The following ZHX3 variants were observed in gnomAD, a reference collection of about 807,000 sequenced individuals.
ZHX3 encodes zinc fingers and homeoboxes protein 3.
In ZHX3, 20 loss-of-function variants were observed where a neutral mutation model predicts 64.5. The observed-to-expected ratio is 0.31, with a 90% CI of 0.22 to 0.45. The LOEUF is 0.45. Ranked by LOEUF, ZHX3 falls within the 20% of genes least tolerant of loss-of-function variation. The probability of loss-of-function intolerance (pLI) is 1.00; values close to 1 mark genes in which losing one functional copy is unlikely to be tolerated. For missense variants in ZHX3, 1,041 were observed against 1,195.8 expected (o/e 0.87, Z 1.91); for synonymous variants, 423 against 461.6 (o/e 0.92, Z 1.07).
rs1376706252 is a variant in ZHX3 at position 41,226,296 on chromosome 20, C to T, written c.-150-21230G>A. Among the ~76,000 whole-genome samples, 1 of 151,842 alleles carries T rather than the reference C, an allele frequency of 6.6e-6. No individual in the cohort carries two copies. Among genetic ancestry groups the T allele is most frequent in the African/African-American group, 2.4e-5 (1 of 41,306 alleles). ...GCATGAACGCGGGAGGTGGAGGTTG[C>T]AGTAAACTGAGATCGCGCCACTGAA... is the stretch of plus-strand genomic sequence containing the variant. On this transcript the variant is annotated intron_variant, in intron 2 of 3. Coordinates refer to ENST00000683867, the MANE Select transcript of ZHX3 (RefSeq NM_001384317.1). The surrounding 1 kb of genome is among the most constrained non-coding windows in gnomAD (Gnocchi z 4.4).
intron 2 of ZHX3, among the ~76,000 whole-genome samples, chr20:41,205,558 C>T (rs1026689030): frequency 2.0e-4 from 17 of 85,822 alleles, no homozygotes; most frequent in Admixed American, 9.6e-4. Flanking sequence ...AGTGTGTGAA[C>T]GGAAGGGGTG....
intron 2 of ZHX3, among the ~76,000 whole-genome samples, chr20:41,207,961 G>T (rs1277972727): frequency 1.3e-5 from 2 of 151,946 alleles, no homozygotes; most frequent in Non-Finnish European, 1.5e-5. Context: ...TAATAAAGAA[G>T]AAAAGAGAGA....
chr20:41,207,489 A>T (rs934275561), intron 2 of ZHX3, among the ~76,000 whole-genome samples: 2 of 152,198 alleles, frequency 1.3e-5, no homozygotes, highest in South Asian at 2.1e-4. Context: ...ATTATAATAA[A>T]CTGTCTCTCA....
At chr20:41,249,464 A>C (rs1377113611) in intron 2 of ZHX3, among the ~76,000 whole-genome samples, 1 of 152,194 alleles carries the variant, frequency 6.6e-6, no homozygotes, top group African/African-American at 2.4e-5. Flanking sequence ...CCTGCCTTTA[A>C]AGCAGACACG....
intron 3 of ZHX3, among the ~76,000 whole-genome samples, chr20:41,193,758 G>A (rs1294664272): frequency 1.3e-5 from 2 of 150,882 alleles, no homozygotes; most frequent in Non-Finnish European, 2.9e-5. Flanking sequence ...CCAGGCTGGA[G>A]TGCAGTGGCA....
chr20:41,189,237 C>G (rs1260312369), intron 3 of ZHX3, among the ~76,000 whole-genome samples: 2 of 152,160 alleles, frequency 1.3e-5, no homozygotes, highest in Admixed American at 1.3e-4. Flanking sequence ...GTTTTGGTTA[C>G]TATAGCCTTG....
At chr20:41,261,926 G>A (rs2042581556) in intron 2 of ZHX3, among the ~76,000 whole-genome samples, 1 of 152,020 alleles carries the variant, frequency 6.6e-6, no homozygotes, top group African/African-American at 2.4e-5. Flanking sequence ...CTGCTTCTCT[G>A]CAAATTAGTC....
intron 2 of ZHX3, among the ~76,000 whole-genome samples, chr20:41,244,714 C>G (rs548451612): frequency 1.3e-5 from 2 of 152,238 alleles, no homozygotes; most frequent in South Asian, 2.1e-4. Context: ...AGAAGACAAC[C>G]AGGGGGAATG....
rs1288248782 is a variant in ZHX3, at chr20:41,184,941, TAAAGG to T, written c.*245_*249del. 6.5e-7 allele frequency: 1 copy of T among 1,543,164 alleles called. No individual in the cohort carries two copies. The highest frequency in any genetic ancestry group is 2.4e-5 in the East Asian group (1 of 40,910). On this transcript the variant is annotated 3_prime_UTR_variant, in exon 4 of 4. Transcript: ENST00000683867. The stretch of plus-strand genomic sequence containing the variant: ...CTGAACTATTTTATCCATTGGAAGG[TAAAGG>T]AAAGGTCCTACATTGTGGGAGGAAG...
intron 2 of ZHX3, among the ~76,000 whole-genome samples, chr20:41,255,736 TC>T (rs2042217063): frequency 6.6e-6 from 1 of 152,204 alleles, no homozygotes; most frequent in Non-Finnish European, 1.5e-5. Flanking sequence ...TCTAGTTGTT[TC>T]ACTACTTTGA....
In ZHX3 at chr20:41,203,588, G is replaced by A. The variant is rs761766878; in HGVS notation, c.1329C>T (p.Leu443=). The A allele has an allele frequency of 2.5e-6, 4 of 1,614,232 alleles. No homozygotes were observed. The East Asian group carries it at 6.7e-5, about 27-fold the overall frequency. The change falls in exon 3 of 4, where the codon CTC becomes CTT. Residue 443 remains leucine, a synonymous_variant. Coordinates refer to ENST00000683867, the MANE Select transcript of ZHX3 (RefSeq NM_001384317.1). The surrounding 1 kb of genome is among the most constrained non-coding windows in gnomAD (Gnocchi z 7.1). ...ANGLQATSSP[L]PLTVTSVPKQ... is the part of the protein sequence containing the mutation. Reference sequence around the variant, plus strand: ...TGGGGACGGATGTCACCGTGAGGGGGAGAGGGGAACTTGTTGCTTGCAACC... The same window carrying A: ...TGGGGACGGATGTCACCGTGAGGGGAAGAGGGGAACTTGTTGCTTGCAACC...
chr20:41,231,019 G>A (rs1303441502), intron 2 of ZHX3, among the ~76,000 whole-genome samples: 3 of 152,098 alleles, frequency 2.0e-5, no homozygotes, highest in Non-Finnish European at 2.9e-5. Context: ...TGCTCTGCCT[G>A]TTCATCCCTC....
At chr20:41,198,485 T>G (rs1294736416) in intron 3 of ZHX3, among the ~76,000 whole-genome samples, 2 of 149,716 alleles carry the variant, frequency 1.3e-5, no homozygotes, top group African/African-American at 4.9e-5. Flanking sequence ...GTTTAGAGGT[T>G]TTTTTTTTTT....
chr20:41,300,898 G>C (rs574359944), intron 1 of ZHX3, among the ~76,000 whole-genome samples: 8 of 152,200 alleles, frequency 5.3e-5, no homozygotes, highest in Non-Finnish European at 5.9e-5. Context: ...GGGCTAAGGA[G>C]GAGGGCCTTT....
chr20:41,223,404 AC>A (rs1189784340), intron 2 of ZHX3, among the ~76,000 whole-genome samples: 2 of 152,222 alleles, frequency 1.3e-5, no homozygotes, highest in African/African-American at 4.8e-5. Flanking sequence ...ACTGGAAATA[AC>A]CTAATCACTC....
At chr20:41,188,207 A>G (rs1465520239) in intron 3 of ZHX3, among the ~76,000 whole-genome samples, 2 of 152,166 alleles carry the variant, frequency 1.3e-5, no homozygotes, top group Non-Finnish European at 2.9e-5. Context: ...AATGAACATA[A>G]TGACCTCCAG....
intron 2 of ZHX3, among the ~76,000 whole-genome samples, chr20:41,244,051 T>TG (rs1405532909): frequency 6.6e-6 from 1 of 152,096 alleles, no homozygotes; most frequent in African/African-American, 2.4e-5. Flanking sequence ...TCCTATGTGC[T>TG]GGGGGGCTGT....
intron 1 of ZHX3, among the ~76,000 whole-genome samples, chr20:41,306,425 A>C (rs1225103130): frequency 1.3e-5 from 2 of 152,180 alleles, no homozygotes; most frequent in African/African-American, 4.8e-5. Context: ...GTAATTGATA[A>C]AAGGCAAAAG....
chr20:41,211,496 T>C (rs2039155792), intron 2 of ZHX3, among the ~76,000 whole-genome samples: 1 of 152,318 alleles, frequency 6.6e-6, no homozygotes, highest in African/African-American at 2.4e-5. Context: ...TAATTTTTAA[T>C]TATAAAGATA....
Sources: gnomAD v4.1 joint callset for allele counts (sites outside exome capture counted in the v4.1 genomes callset) on GRCh38, gnomAD v4.1.1 for gene constraint, Gnocchi (gnomAD v3.1) non-coding constraint, MANE v1.5 for transcripts, NCBI Gene and HGNC (gene_info 2026-07-23, HGNC 2026-07-21) for gene names.